Variants in SHISA9 observed in about 807,000 individuals in gnomAD.
SHISA9 encodes protein shisa-9.
Under a neutral mutation model 38.0 loss-of-function variants are expected in SHISA9, and 13 were observed. The observed-to-expected ratio is 0.34, with a 90% CI of 0.22 to 0.54. The LOEUF is 0.54. Ranked by LOEUF, SHISA9 falls within the 20% of genes least tolerant of loss-of-function variation. The pLI is 0.91. For synonymous variants in SHISA9, 275 were observed against 242.0 expected, an observed-to-expected ratio of 1.14 and a Z score of -1.27; for missense variants, 538 against 575.8, an observed-to-expected ratio of 0.93 and a Z score of 0.67.
chr16:13,473,283 T>C, the SHISA9 span, among the ~76,000 whole-genome samples: 1 of 152,022 alleles, frequency 6.6e-6, no homozygotes, highest in East Asian at 1.9e-4. Context: ...TTACTTCACA[T>C]GTCTGATAAG....
rs562838836 is a variant in SHISA9 at position 12,999,107 on chromosome 16, C to G, written c.691+82292C>G. ...GAAATCACAGCCAGTAGCACTATAA[C>G]TCATGCCTGGAGAAAGCTTACCTAA... On this transcript the variant is annotated intron_variant, in intron 2 of 4. Transcript: ENST00000558583. 1.9e-3 allele frequency among the ~76,000 whole-genome samples: 294 copies of G among 152,292 alleles called. 1 individual carries two copies. Among genetic ancestry groups the G allele is most frequent in the African/African-American group, 6.8e-3 (283 of 41,560 alleles).
rs558238421 is a variant in SHISA9, at chr16:13,049,750, A to C, written c.691+132935A>C. On this transcript the variant is annotated intron_variant, in intron 2 of 4. Coordinates refer to ENST00000558583, the MANE Select transcript of SHISA9 (RefSeq NM_001145204.3). ...CTCCTCCTTGGGCAGTGCTGTCAAA[A>C]TGCCCTGACATCACCCTCCTGCCTC... is the stretch of plus-strand genomic sequence containing the variant. Among the ~76,000 whole-genome samples the C allele has an allele frequency of 1.5e-3, 223 of 152,062 alleles. 1 individual carries two copies. Among genetic ancestry groups the C allele is most frequent in the African/African-American group, 5.1e-3 (212 of 41,448 alleles).
rs530640169 is a variant in SHISA9, at chr16:12,979,541, C to T, written c.691+62726C>T. On this transcript the variant is annotated intron_variant, in intron 2 of 4. Transcript: ENST00000558583. ...TAGTTTTGTATCATCAGTCTTGGTTCGTCATTTACTTGTTTTCCTTTTGAT... is the reference window on the plus strand; with the variant it reads ...TAGTTTTGTATCATCAGTCTTGGTTTGTCATTTACTTGTTTTCCTTTTGAT... Among the ~76,000 whole-genome samples the T allele has an allele frequency of 3.9e-5, 6 of 152,166 alleles. No homozygotes were observed. The East Asian group carries it at 9.7e-4, about 24-fold the overall frequency.
chr16:13,434,046 CA>C, the SHISA9 span, among the ~76,000 whole-genome samples: 1 of 152,186 alleles, frequency 6.6e-6, no homozygotes, highest in African/African-American at 2.4e-5. Context: ...CCCAAAACCT[CA>C]AAAGTAGGGA....
chr16:13,372,053 C>G, the SHISA9 span, among the ~76,000 whole-genome samples: 1 of 152,244 alleles, frequency 6.6e-6, no homozygotes, highest in African/African-American at 2.4e-5. Flanking sequence ...AACTCAAACA[C>G]TGATCTTATT....
chr16:13,319,130 C>G, the SHISA9 span, among the ~76,000 whole-genome samples: 1 of 152,226 alleles, frequency 6.6e-6, no homozygotes, highest in African/African-American at 2.4e-5. Context: ...GCCTCAGCCT[C>G]CCGAGTAGCT....
At chr16:13,008,252 G>A (rs2072622614) in intron 2 of SHISA9, among the ~76,000 whole-genome samples, 1 of 152,166 alleles carries the variant, frequency 6.6e-6, no homozygotes, top group Non-Finnish European at 1.5e-5. Flanking sequence ...AATTGTGAAT[G>A]TGTGCAGTTG....
chr16:13,448,265 C>A, the SHISA9 span, among the ~76,000 whole-genome samples: 26 of 152,236 alleles, frequency 1.7e-4, no homozygotes, highest in East Asian at 5.0e-3. Flanking sequence ...GTCTTTTATT[C>A]CAGTGCAAAA....
chr16:13,511,523 G>A, the SHISA9 span, among the ~76,000 whole-genome samples: 1 of 152,138 alleles, frequency 6.6e-6, no homozygotes, highest in African/African-American at 2.4e-5. Flanking sequence ...TAAAAATGGG[G>A]TACAATAAAG....
the SHISA9 span, among the ~76,000 whole-genome samples, chr16:13,402,750 C>A: frequency 6.6e-6 from 1 of 152,150 alleles, no homozygotes; most frequent in Admixed American, 6.6e-5. Context: ...TAATGTTTTA[C>A]CAGCTATCTG....
intron 2 of SHISA9, among the ~76,000 whole-genome samples, chr16:13,063,039 C>T (rs1005434589): frequency 2.0e-5 from 3 of 152,072 alleles, no homozygotes; most frequent in Non-Finnish European, 1.5e-5. Flanking sequence ...CGGAGTCTTG[C>T]TCTGTCACCC....
At chr16:13,390,597 G>C in the SHISA9 span, among the ~76,000 whole-genome samples, 5 of 152,076 alleles carry the variant, frequency 3.3e-5, no homozygotes, top group African/African-American at 1.2e-4. Context: ...AAGATTTCAA[G>C]CTTAGGCTTG....
chr16:13,186,016 T>C (rs1468046771), intron 2 of SHISA9, among the ~76,000 whole-genome samples: 1 of 152,146 alleles, frequency 6.6e-6, no homozygotes, highest in South Asian at 2.1e-4. Flanking sequence ...TTACCCTACC[T>C]TGAACTCCAT....
At chr16:13,182,054 A>G (rs1047843603) in intron 2 of SHISA9, among the ~76,000 whole-genome samples, 1 of 152,222 alleles carries the variant, frequency 6.6e-6, no homozygotes, top group East Asian at 1.9e-4. Flanking sequence ...GAAGCTACAT[A>G]GTGATGGAAC....
the SHISA9 span, among the ~76,000 whole-genome samples, chr16:13,541,888 A>G: frequency 6.6e-6 from 1 of 152,242 alleles, no homozygotes; most frequent in Non-Finnish European, 1.5e-5. Flanking sequence ...TTCATGGGGT[A>G]TACTGGGTCG....
the SHISA9 span, among the ~76,000 whole-genome samples, chr16:13,437,658 G>A: frequency 3.3e-5 from 5 of 152,010 alleles, no homozygotes; most frequent in African/African-American, 9.7e-5. Context: ...TCCCTCTGCT[G>A]TGAACTCCCC....
chr16:13,283,495 T>A, the SHISA9 span, among the ~76,000 whole-genome samples: 1 of 152,036 alleles, frequency 6.6e-6, no homozygotes, highest in African/African-American at 2.4e-5. Context: ...AAGAAGCAAG[T>A]CACATCTTAC....
At chr16:13,100,588 A>C (rs969192906) in intron 2 of SHISA9, among the ~76,000 whole-genome samples, 1 of 152,178 alleles carries the variant, frequency 6.6e-6, no homozygotes, top group Admixed American at 6.5e-5. Context: ...AGGACTGTCC[A>C]AGAGATTGAG....
chr16:13,288,021 T>G, the SHISA9 span, among the ~76,000 whole-genome samples: 1 of 152,242 alleles, frequency 6.6e-6, no homozygotes, highest in East Asian at 1.9e-4. Context: ...CTTTTGGACT[T>G]CTGAGGGAAC....
Sources: gnomAD v4.1 joint callset for allele counts (sites outside exome capture counted in the v4.1 genomes callset) on GRCh38, gnomAD v4.1.1 for gene constraint, MANE v1.5 for transcripts, NCBI Gene and HGNC (gene_info 2026-07-23, HGNC 2026-07-21) for gene names.